RAP1A: variants seen among roughly 807,000 people sequenced by gnomAD.
RAP1A encodes ras-related protein Rap-1A.
Under a neutral mutation model 26.4 loss-of-function variants are expected in RAP1A, and 6 were observed. The observed-to-expected ratio is 0.23, with a 90% CI of 0.12 to 0.45. RAP1A has a LOEUF of 0.45. RAP1A is among the 20% of genes least tolerant of loss of function. The probability of loss-of-function intolerance (pLI) is 0.99; values close to 1 mark genes in which losing one functional copy is unlikely to be tolerated. For synonymous variants in RAP1A, 73 were observed against 79.4 expected, an observed-to-expected ratio of 0.92 and a Z score of 0.43; for missense variants, 121 against 217.2, an observed-to-expected ratio of 0.56 and a Z score of 2.78.
At chr1:111,688,685 C>G (rs982055358) in intron 1 of RAP1A, among the ~76,000 whole-genome samples, 7 of 151,800 alleles carry the variant, frequency 4.6e-5, no homozygotes, top group African/African-American at 1.7e-4. Context: ...GTAAGATTTT[C>G]TGGTTTTGAC....
intron 6 of RAP1A, among the ~76,000 whole-genome samples, chr1:111,707,321 TC>T (rs1662226059): frequency 6.6e-6 from 1 of 152,300 alleles, no homozygotes; most frequent in Non-Finnish European, 1.5e-5. Flanking sequence ...TTGCCATCTA[TC>T]TTAAAATACA....
chr1:111,687,309 G>GA (rs1661516639), intron 1 of RAP1A, among the ~76,000 whole-genome samples: 1 of 151,404 alleles, frequency 6.6e-6, no homozygotes, highest in Admixed American at 6.6e-5. Flanking sequence ...CTGGGTTTAA[G>GA]CAATTCTCCT....
At chr1:111,563,045 T>G (rs1419795280) in intron 1 of RAP1A, among the ~76,000 whole-genome samples, 1 of 152,204 alleles carries the variant, frequency 6.6e-6, no homozygotes, top group Non-Finnish European at 1.5e-5. Context: ...ATGAGAAAAC[T>G]AAGGCTTAAA....
At chr1:111,649,564 AG>A in intron 1 of RAP1A, 1 of 238,342 alleles carries the variant, frequency 4.2e-6, no homozygotes, top group Non-Finnish European at 8.7e-6. Context: ...TGGGGAGGAG[AG>A]TGAGAGGATA....
chr1:111,706,015 T>C (rs1662178933), intron 6 of RAP1A, among the ~76,000 whole-genome samples: 1 of 152,232 alleles, frequency 6.6e-6, no homozygotes, highest in Non-Finnish European at 1.5e-5. Context: ...AGAACCTACA[T>C]GCTATTAAAC....
At chr1:111,555,973 A>G (rs1199870994) in intron 1 of RAP1A, among the ~76,000 whole-genome samples, 1 of 152,236 alleles carries the variant, frequency 6.6e-6, no homozygotes, top group Non-Finnish European at 1.5e-5. Flanking sequence ...TGGATTGAAA[A>G]GGAAACTCAC....
intron 1 of RAP1A, among the ~76,000 whole-genome samples, chr1:111,646,839 G>A (rs752925846): frequency 6.6e-6 from 1 of 152,160 alleles, no homozygotes; most frequent in African/African-American, 2.4e-5. Context: ...GCGCACAGAC[G>A]AGTGGAACAC....
At chr1:111,564,799 A>T (rs1209396473) in intron 1 of RAP1A, among the ~76,000 whole-genome samples, 1 of 151,492 alleles carries the variant, frequency 6.6e-6, no homozygotes, top group East Asian at 2.0e-4. Flanking sequence ...GGCGTGAGCC[A>T]CCACACCCGG....
chr1:111,548,713 T>G (rs1657133653), intron 1 of RAP1A, among the ~76,000 whole-genome samples: 2 of 152,224 alleles, frequency 1.3e-5, no homozygotes, highest in South Asian at 4.1e-4. Context: ...ATATTCAATA[T>G]CATCTCATCC....
At chr1:111,689,411 C>G (rs1661599970) in intron 1 of RAP1A, among the ~76,000 whole-genome samples, 1 of 151,850 alleles carries the variant, frequency 6.6e-6, no homozygotes, top group Non-Finnish European at 1.5e-5. Context: ...TTTTCTGTTG[C>G]TGTGTCTTCA....
intron 1 of RAP1A, among the ~76,000 whole-genome samples, chr1:111,627,159 T>G (rs2101097842): frequency 6.6e-6 from 1 of 152,296 alleles, no homozygotes; most frequent in South Asian, 2.1e-4. Flanking sequence ...ATGTTAAGTG[T>G]AAAGAATAAA....
At chr1:111,614,956 C>T (rs1010585070), upstream of RAP1A, among the ~76,000 whole-genome samples, 1 of 152,102 alleles carries the variant, frequency 6.6e-6, no homozygotes, top group African/African-American at 2.4e-5. Flanking sequence ...AACTATGGGA[C>T]TTCAGAGGAG....
rs528780404 is a variant in RAP1A at position 111,653,713 on chromosome 1, G to A, written c.-28+33779G>A. On this transcript the variant is annotated intron_variant, in intron 1 of 7. Transcript: ENST00000369709. ...AAAAAAAAAAAAAAAAAAAAAAGGTGGATTTTACAGTGTATGAATTATATG... is the reference window on the plus strand; with the variant it reads ...AAAAAAAAAAAAAAAAAAAAAAGGTAGATTTTACAGTGTATGAATTATATG... 3.4e-5 allele frequency among the ~76,000 whole-genome samples: 5 copies of A among 147,976 alleles called. No homozygotes were observed. The East Asian group carries it at 7.9e-4, about 23-fold the overall frequency.
rs1029054721 is a variant in RAP1A, at chr1:111,715,867, T to C, written c.*3466T>C. The C allele has an allele frequency of 6.6e-6, 1 of 152,270 alleles. No homozygotes were observed. The highest frequency in any genetic ancestry group is 1.5e-5 in the Non-Finnish European group (1 of 68,042). The allele number at this position is 152,270 out of a possible 1,614,324, so 9.4% of individuals were successfully genotyped here. ...GGCCAGTTTAAAATATTTTGCCCCA[T>C]TACCCTTGTAGATACACATGTATTT... On this transcript the variant is annotated 3_prime_UTR_variant, in exon 8 of 8. Coordinates refer to ENST00000369709, the MANE Select transcript of RAP1A (RefSeq NM_002884.4).
At chr1:111,634,326 A>C (rs1056755068) in intron 1 of RAP1A, among the ~76,000 whole-genome samples, 2 of 151,960 alleles carry the variant, frequency 1.3e-5, no homozygotes, top group African/African-American at 2.4e-5. Flanking sequence ...TCAATCATAA[A>C]ATTGCATTTG....
intron 1 of RAP1A, among the ~76,000 whole-genome samples, chr1:111,678,616 G>A (rs1357701681): frequency 6.6e-6 from 1 of 152,126 alleles, no homozygotes; most frequent in African/African-American, 2.4e-5. Context: ...GAATACTGTA[G>A]GCAGTTGTAA....
chr1:111,653,544 C>T (rs55733134), intron 1 of RAP1A, among the ~76,000 whole-genome samples: 9 of 151,968 alleles, frequency 5.9e-5, no homozygotes, highest in South Asian at 2.1e-4. Flanking sequence ...ATTAGCTGGG[C>T]GTGGTGGCAC....
intron 1 of RAP1A, among the ~76,000 whole-genome samples, chr1:111,658,074 A>G (rs1017905283): frequency 1.3e-5 from 2 of 152,166 alleles, no homozygotes; most frequent in Non-Finnish European, 2.9e-5. Context: ...GTACACTTGA[A>G]AATAATATAT....
At chr1:111,617,557 T>C (rs551456242), upstream of RAP1A, among the ~76,000 whole-genome samples, 165 of 152,112 alleles carry the variant, frequency 1.1e-3, no homozygotes, top group Non-Finnish European at 2.0e-3. Flanking sequence ...CTCAGCCTCC[T>C]GAGTAGCTGG....
Sources: gnomAD v4.1 joint callset for allele counts (sites outside exome capture counted in the v4.1 genomes callset) on GRCh38, gnomAD v4.1.1 for gene constraint, MANE v1.5 for transcripts, NCBI Gene and HGNC (gene_info 2026-07-23, HGNC 2026-07-21) for gene names.